Variants in ZKSCAN2 observed in about 807,000 individuals in gnomAD.
The protein encoded by ZKSCAN2 is zinc finger protein with KRAB and SCAN domains 2.
In ZKSCAN2, 38 loss-of-function variants were observed where a neutral mutation model predicts 90.5. That is an observed-to-expected ratio of 0.42 (90% CI 0.32 to 0.55). ZKSCAN2 has a LOEUF of 0.55. ZKSCAN2 is among the 20% of genes least tolerant of loss of function. The probability of loss-of-function intolerance (pLI) is 0.11; values close to 1 mark genes in which losing one functional copy is unlikely to be tolerated. For missense variants in ZKSCAN2, 1,167 were observed against 1,202.6 expected (o/e 0.97, Z 0.44); for synonymous variants, 429 against 421.6 (o/e 1.02, Z -0.22).
intron 5 of ZKSCAN2, chr16:25,246,269 A>G (rs1962932466): frequency 1.3e-5 from 2 of 156,434 alleles, no homozygotes; most frequent in African/African-American, 4.8e-5. Context: ...TACACAAAAA[A>G]TGTTTATTTT....
rs141758597 is a variant in ZKSCAN2 at position 25,239,919 on chromosome 16, C to T, written c.2801G>A (p.Arg934Gln). The T allele has an allele frequency of 7.4e-6, 12 of 1,614,134 alleles. No individual in the cohort carries two copies. Among genetic ancestry groups the T allele is most frequent in the South Asian group, 4.4e-5 (4 of 91,074 alleles). ...FSKSSVLTKH[R>Q]EVHVREKPLP... ...AGGCTTTTCTCTCACATGAACTTCC[C>T]GATGTTTGGTAAGAACAGAACTCTT... Residue 934 changes from arginine to glutamine, a missense_variant, in exon 7 of 7, where the codon CGG becomes CAG. Coordinates refer to ENST00000328086, the MANE Select transcript of ZKSCAN2 (RefSeq NM_001012981.5).
chr16:25,251,777 A>G, intron 4 of ZKSCAN2, 132 bp downstream of exon 4: 1 of 1,006,252 alleles, frequency 9.9e-7, no homozygotes, highest in Non-Finnish European at 1.4e-6. Context: ...GAACCTGGCT[A>G]AGTGATTACA....
Position 25,244,125 on chromosome 16 carries a change from T to G in ZKSCAN2, c.1641A>C (p.Pro547=), listed in dbSNP as rs760696292. 6.2e-7 allele frequency: 1 copy of G among 1,614,070 alleles called. No individual in the cohort carries two copies. Among genetic ancestry groups the G allele is most frequent in the African/African-American group, 1.3e-5 (1 of 74,922 alleles). The change falls in exon 6 of 7, where the codon CCA becomes CCC. Residue 547 remains proline (P), a synonymous_variant. Coordinates refer to ENST00000328086, the MANE Select transcript of ZKSCAN2 (RefSeq NM_001012981.5). Reference sequence around the variant, plus strand: ...TTTTGAACTTGGTTCGGCACTGTTCTGGTGTCCGGAGGAAGCCGCACTCTC... The same window carrying G: ...TTTTGAACTTGGTTCGGCACTGTTCGGGTGTCCGGAGGAAGCCGCACTCTC... ...QLRECGFLRT[P]EQCRTKFKSL...
chr16:25,247,183 A>G lies in ZKSCAN2; in HGVS notation c.1013T>C (p.Ile338Thr), dbSNP rs1245840256. The G allele has an allele frequency of 3.1e-6, 5 of 1,614,194 alleles. No homozygotes were observed. Among genetic ancestry groups the G allele is most frequent in the Non-Finnish European group, 4.2e-6 (5 of 1,180,036 alleles). The change falls in exon 5 of 7, where the codon ATA (isoleucine) becomes ACA (threonine). Residue 338 changes from isoleucine to threonine, a missense_variant. Physicochemically the swap from Ile to Thr is moderately conservative, Grantham distance 89. Transcript: ENST00000328086. ...CTCATAGCTCCAATGCACACCTGCT[A>G]TCTTTTCATCTTCTAAACCCCACTG... The part of the protein sequence containing the change: ...QQQWGLEDEK[I>T]AGVHWSYEET...
chr16:25,254,440 T>C (rs544722938), intron 2 of ZKSCAN2, among the ~76,000 whole-genome samples: 1 of 152,340 alleles, frequency 6.6e-6, no homozygotes, highest in Admixed American at 6.5e-5. Context: ...ATCTCTCTTG[T>C]ATGCCACTTC....
Position 25,239,869 on chromosome 16 carries a change from A to G in ZKSCAN2, c.2851T>C (p.Cys951Arg), listed in dbSNP as rs202019779. Residue 951 changes from cysteine (C) to arginine (R), a missense_variant, in exon 7 of 7, where the codon TGC becomes CGC. Physicochemically the swap from Cys to Arg is radical, Grantham distance 180. Transcript: ENST00000328086. The stretch of plus-strand genomic sequence containing the variant: ...TTTCCCTTATGTGGGTTCTCAGGGC[A>G]ATACAGAGATGGAGGGTGTGGCAGA... ...KPLPHPPSLY[C>R]PENPHKGKTD... 3 of 1,612,856 alleles carry G rather than the reference A, an allele frequency of 1.9e-6. No individual in the cohort carries two copies. Among genetic ancestry groups the G allele is most frequent in the African/African-American group, 2.7e-5 (2 of 74,914 alleles).
In ZKSCAN2 at chr16:25,257,464, G is replaced by C. The variant is rs1305707927; in HGVS notation, c.-337C>G. On this transcript the variant is annotated 5_prime_UTR_variant, in exon 1 of 7. Transcript: ENST00000328086. The stretch of plus-strand genomic sequence containing the variant: ...AATGAAGCAGGCTGAGGAAAGGCTG[G>C]GCGGAGGCGGACAGCCGGGCCGGGA... The C allele has an allele frequency of 1.9e-6, 2 of 1,029,978 alleles. No homozygotes were observed. Among genetic ancestry groups the C allele is most frequent in the African/African-American group, 3.4e-5 (2 of 58,896 alleles). 63.8% of individuals were successfully genotyped at this position (1,029,978 alleles called of 1,614,324 possible).
Position 25,244,275 on chromosome 16 carries a change from G to A in ZKSCAN2, c.1491C>T (p.Gly497=). Reference sequence around the variant, plus strand: ...TGGTTTCTTCATAGCCCCAGTGCACGCCTGCCATTTGGGGATAAAGTTCAC... The same window carrying A: ...TGGTTTCTTCATAGCCCCAGTGCACACCTGCCATTTGGGGATAAAGTTCAC... ...GAPVLFQNLS[G]VHWGYEETKT... Residue 497 remains glycine, a splice_region_variant and synonymous_variant, in exon 6 of 7, where the codon GGC becomes GGT. Coordinates refer to ENST00000328086, the MANE Select transcript of ZKSCAN2 (RefSeq NM_001012981.5). The A allele has an allele frequency of 1.9e-6, 3 of 1,609,638 alleles. No individual in the cohort carries two copies. Among genetic ancestry groups the A allele is most frequent in the South Asian group, 1.1e-5 (1 of 90,914 alleles).
chr16:25,249,893 G>A (rs76989367), intron 4 of ZKSCAN2, among the ~76,000 whole-genome samples: 1,605 of 152,192 alleles, frequency 0.011, 69 homozygotes, highest in East Asian at 0.092. Context: ...CTGTACTCCC[G>A]TGCTCAATGA....
chr16:25,253,174 A>G, intron 2 of ZKSCAN2, 137 bp from the exon 3 acceptor site: 1 of 719,360 alleles, frequency 1.4e-6, no homozygotes, highest in East Asian at 2.7e-5. Flanking sequence ...GTTCAGAACA[A>G]TCCCCAAAAA....
rs1011817100 is a variant in ZKSCAN2 at position 25,238,708 on chromosome 16, G to A, written c.*1108C>T. 6.6e-6 allele frequency: 1 copy of A among 152,184 alleles called. No individual in the cohort carries two copies. The highest frequency in any genetic ancestry group is 2.1e-4 in the South Asian group (1 of 4,824). The allele number at this position is 152,184 out of a possible 1,614,324, so 9.4% of individuals were successfully genotyped here. On this transcript the variant is annotated 3_prime_UTR_variant, in exon 7 of 7. Coordinates refer to ENST00000328086, the MANE Select transcript of ZKSCAN2 (RefSeq NM_001012981.5). ...ACTGGGAGATTTAACAGCCAGACCT[G>A]AGAGCGCTGGTCTAAGCTGAGGTGG...
chr16:25,241,542 C>T (rs1962854506), intron 6 of ZKSCAN2, among the ~76,000 whole-genome samples: 1 of 152,200 alleles, frequency 6.6e-6, no homozygotes, highest in South Asian at 2.1e-4. Context: ...TTAACTATGA[C>T]CTATTCATGG....
rs965304253 is a variant in ZKSCAN2, at chr16:25,243,676, A to G, written c.1981+109T>C. The G allele has an allele frequency of 2.6e-5, 35 of 1,348,130 alleles. No homozygotes were observed. In the African/African-American group the frequency reaches 4.8e-4, roughly 18 times the overall value. 83.5% of individuals were successfully genotyped at this position (1,348,130 alleles called of 1,614,324 possible). ...CTTCAAGTAGCACAGGCACTCAAAT[A>G]TTTCTTGAATGAAGGAATATTCATG... On this transcript the variant is annotated intron_variant, in intron 6 of 6. Transcript: ENST00000328086.
At chr16:25,250,484 G>C (rs1597644938) in intron 4 of ZKSCAN2, among the ~76,000 whole-genome samples, 1 of 152,182 alleles carries the variant, frequency 6.6e-6, no homozygotes, top group South Asian at 2.1e-4. Flanking sequence ...GGTAAGGGGA[G>C]ATGATGGTCA....
chr16:25,247,272 T>C lies in ZKSCAN2; in HGVS notation c.924A>G (p.Glu308=), dbSNP rs1166009989. ...RSILRSNYVK[E]KSVHAIQVPA... is the part of the protein sequence containing the mutation. Reference sequence around the variant, plus strand: ...GGACCTGAATAGCATGAACTGACTTTTCCTTGACGTAGTTGCTTCGTAGGA... The same window carrying C: ...GGACCTGAATAGCATGAACTGACTTCTCCTTGACGTAGTTGCTTCGTAGGA... The change falls in exon 5 of 7, where the codon GAA becomes GAG. Residue 308 remains glutamate, a synonymous_variant. Transcript: ENST00000328086. 3 of 1,614,094 alleles carry C rather than the reference T, an allele frequency of 1.9e-6. No individual in the cohort carries two copies. The highest frequency in any genetic ancestry group is 2.7e-5 in the African/African-American group (2 of 74,930).
chr16:25,257,584 G>A lies in ZKSCAN2; in HGVS notation c.-457C>T. The A allele has an allele frequency of 3.3e-6, 3 of 905,242 alleles. No homozygotes were observed. Among genetic ancestry groups the A allele is most frequent in the Non-Finnish European group, 4.0e-6 (3 of 756,798 alleles). The allele number at this position is 905,242 out of a possible 1,614,324, so 56.1% of individuals were successfully genotyped here. A position where few individuals can be genotyped will look rare whatever the true frequency, so the allele number is the denominator to read the frequency against. On this transcript the variant is annotated 5_prime_UTR_variant, in exon 1 of 7. Coordinates refer to ENST00000328086, the MANE Select transcript of ZKSCAN2 (RefSeq NM_001012981.5). The stretch of plus-strand genomic sequence containing the variant: ...CAGGCCCCGCCCGGCGCCAGGTTCC[G>A]GGCTCGGGTCACCGCAGCACGTCCA...
At chr16:25,245,694 CAGG>C (rs1030331701) in intron 5 of ZKSCAN2, among the ~76,000 whole-genome samples, 4 of 151,442 alleles carry the variant, frequency 2.6e-5, no homozygotes, top group Admixed American at 2.0e-4. Context: ...TGAACTCACC[CAGG>C]AGGAGGAGGT....
Position 25,255,303 on chromosome 16 carries a change from T to C in ZKSCAN2, c.489A>G (p.Gln163=). ...GTTCCTCCCGAGACACCGCCCTGGG[T>C]TGGGTCTCCACCTGCTCTGGCTGGA... The part of the protein sequence containing the change: ...ADFQPEQVET[Q]PRAVSREEPG... The change falls in exon 2 of 7, where the codon CAA becomes CAG. Residue 163 remains glutamine (Q), a synonymous_variant. Transcript: ENST00000328086. The C allele has an allele frequency of 1.9e-6, 3 of 1,613,628 alleles. No individual in the cohort carries two copies. The highest frequency in any genetic ancestry group is 1.1e-5 in the South Asian group (1 of 90,988).
rs1567354833 is a variant in ZKSCAN2 at position 25,255,239 on chromosome 16, G to A, written c.553C>T (p.Arg185Ter). Reference sequence around the variant, plus strand: ...GGTAAGGGCCGACGTTCTCGCTTTCGGTTCAGCTGTTCCTGGTGTCCTGAG... The same window carrying A: ...GGTAAGGGCCGACGTTCTCGCTTTCAGTTCAGCTGTTCCTGGTGTCCTGAG... ...LHSGHQEQLNRKRERRPLPKN... is the reference protein window; with the variant it reads ...LHSGHQEQLN Residue 185 changes from arginine (R) to a stop codon, truncating the protein, a stop_gained, in exon 2 of 7, where the codon CGA becomes TGA. Coordinates refer to ENST00000328086, the MANE Select transcript of ZKSCAN2 (RefSeq NM_001012981.5). LOFTEE classifies it high-confidence loss of function. 1 of 1,608,946 alleles carries A rather than the reference G, an allele frequency of 6.2e-7. No individual in the cohort carries two copies. Among genetic ancestry groups the A allele is most frequent in the Non-Finnish European group, 8.5e-7 (1 of 1,178,672 alleles).
Sources: gnomAD v4.1 joint callset for allele counts (sites outside exome capture counted in the v4.1 genomes callset) on GRCh38, gnomAD v4.1.1 for gene constraint, MANE v1.5 for transcripts, NCBI Gene and HGNC (gene_info 2026-07-23, HGNC 2026-07-21) for gene names.